CNTNAP2: variants seen among roughly 807,000 people sequenced by gnomAD.
The protein encoded by CNTNAP2 is contactin associated protein 2.
In CNTNAP2, 98 loss-of-function variants were observed where a neutral mutation model predicts 155.2. That is an observed-to-expected ratio of 0.63 (90% CI 0.54 to 0.75). CNTNAP2 has a LOEUF of 0.75. CNTNAP2 is among the 30% of genes least tolerant of loss of function. The probability of loss-of-function intolerance (pLI) is 0.00; values close to 1 mark genes in which losing one functional copy is unlikely to be tolerated. For missense variants in CNTNAP2, 1,727 were observed against 1,688.1 expected (o/e 1.02, Z -0.40); for synonymous variants, 651 against 631.2 (o/e 1.03, Z -0.47).
At chr7:147,558,945 G>A (rs565991589) in intron 11 of CNTNAP2, among the ~76,000 whole-genome samples, 1 of 152,262 alleles carries the variant, frequency 6.6e-6, no homozygotes, top group Non-Finnish European at 1.5e-5. Flanking sequence ...GTTTCACCAT[G>A]TTGGCCAGGA....
intron 1 of CNTNAP2, among the ~76,000 whole-genome samples, chr7:146,163,519 A>ATATC (rs1798260494): frequency 6.9e-6 from 1 of 145,442 alleles, no homozygotes; most frequent in South Asian, 2.1e-4. Flanking sequence ...ATATATATCT[A>ATATC]TATATATCTA....
At chr7:148,380,255 G>A (rs1275892228) in intron 21 of CNTNAP2, among the ~76,000 whole-genome samples, 2 of 152,200 alleles carry the variant, frequency 1.3e-5, no homozygotes, top group Admixed American at 1.3e-4. Flanking sequence ...GTAGAGACCA[G>A]TCTAATCAAT....
rs1803079971 is a variant in CNTNAP2, at chr7:147,208,995, G to T, written c.1348+76486G>T. ...AAAGTTTCCCCTTATGTACAAGTTA[G>T]ATATATAATCTGTTTGTTTTTATGT... is the stretch of plus-strand genomic sequence containing the variant. On this transcript the variant is annotated intron_variant, in intron 8 of 23. Coordinates refer to ENST00000361727, the MANE Select transcript of CNTNAP2 (RefSeq NM_014141.6). 3.3e-5 allele frequency among the ~76,000 whole-genome samples: 5 copies of T among 151,876 alleles called. No homozygotes were observed. In the South Asian group the frequency reaches 1.0e-3, roughly 31 times the overall value.
intron 1 of CNTNAP2, among the ~76,000 whole-genome samples, chr7:146,551,624 G>A (rs997086560): frequency 1.2e-4 from 18 of 151,826 alleles, no homozygotes; most frequent in Non-Finnish European, 2.1e-4. Context: ...AGAATAAGAG[G>A]CCAAAAGACA....
chr7:147,621,611 G>A (rs1794856748), intron 12 of CNTNAP2, among the ~76,000 whole-genome samples: 1 of 151,636 alleles, frequency 6.6e-6, no homozygotes, highest in Non-Finnish European at 1.5e-5. Context: ...GAAGCCCCAT[G>A]GTAACCACAA....
intron 3 of CNTNAP2, among the ~76,000 whole-genome samples, chr7:146,896,738 A>G (rs1795885125): frequency 6.6e-6 from 1 of 152,134 alleles, no homozygotes; most frequent in South Asian, 2.1e-4. Flanking sequence ...TTTTGCTTAA[A>G]TAATTCTGAT....
intron 20 of CNTNAP2, among the ~76,000 whole-genome samples, chr7:148,233,141 G>T (rs1795990730): frequency 6.6e-6 from 1 of 152,180 alleles, no homozygotes; most frequent in Admixed American, 6.5e-5. Flanking sequence ...AAAAAGTCTG[G>T]CATGCAGTGA....
At chr7:146,698,797 A>G (rs1448439281) in intron 1 of CNTNAP2, among the ~76,000 whole-genome samples, 3 of 152,086 alleles carry the variant, frequency 2.0e-5, no homozygotes, top group African/African-American at 7.2e-5. Flanking sequence ...CATGTGTAGA[A>G]TGTGCTCTTC....
At chr7:146,576,218 T>G (rs1798521790) in intron 1 of CNTNAP2, among the ~76,000 whole-genome samples, 1 of 152,248 alleles carries the variant, frequency 6.6e-6, no homozygotes, top group Non-Finnish European at 1.5e-5. Flanking sequence ...TTGGGTTTTC[T>G]TTAAAGGTTG....
intron 10 of CNTNAP2, among the ~76,000 whole-genome samples, chr7:147,430,221 T>C (rs1797442583): frequency 6.6e-6 from 1 of 152,196 alleles, no homozygotes; most frequent in Admixed American, 6.5e-5. Context: ...TAAGTAAACA[T>C]TTTGACAAAT....
At chr7:146,638,651 A>AT (rs1585018848) in intron 1 of CNTNAP2, among the ~76,000 whole-genome samples, 1 of 150,644 alleles carries the variant, frequency 6.6e-6, no homozygotes, top group African/African-American at 2.4e-5. Context: ...CACCTGGCTA[A>AT]TTTTTTTGTA....
intron 3 of CNTNAP2, among the ~76,000 whole-genome samples, chr7:146,888,685 C>G (rs1161092069): frequency 2.0e-5 from 3 of 151,870 alleles, no homozygotes; most frequent in African/African-American, 7.3e-5. Context: ...ACAAGGAAAT[C>G]CTGTCACTTG....
chr7:146,159,567 C>CA (rs1029215657), intron 1 of CNTNAP2, among the ~76,000 whole-genome samples: 22 of 150,808 alleles, frequency 1.5e-4, no homozygotes, highest in African/African-American at 4.4e-4. Flanking sequence ...AAATGGAAAA[C>CA]AAAAAAAAGC....
At chr7:147,837,362 T>C (rs1798650679) in intron 13 of CNTNAP2, among the ~76,000 whole-genome samples, 2 of 152,122 alleles carry the variant, frequency 1.3e-5, no homozygotes, top group Admixed American at 1.3e-4. Context: ...CCCACCTCCA[T>C]GATTCAGTTA....
At chr7:146,310,569 A>G (rs1800802306) in intron 1 of CNTNAP2, among the ~76,000 whole-genome samples, 2 of 151,940 alleles carry the variant, frequency 1.3e-5, no homozygotes, top group Admixed American at 6.6e-5. Flanking sequence ...ATGCCTTTTA[A>G]TGCATCCCCC....
intron 2 of CNTNAP2, among the ~76,000 whole-genome samples, chr7:146,780,366 T>G (rs1015594486): frequency 6.6e-6 from 1 of 151,982 alleles, no homozygotes; most frequent in Non-Finnish European, 1.5e-5. Flanking sequence ...TTTTTTTGTA[T>G]TTTTAGTGGA....
intron 14 of CNTNAP2, among the ~76,000 whole-genome samples, chr7:147,941,994 G>A (rs894355756): frequency 1.3e-5 from 2 of 152,174 alleles, no homozygotes; most frequent in Non-Finnish European, 2.9e-5. Context: ...AATGTTGGCT[G>A]TCCAGGTTAG....
chr7:148,395,288 T>C (rs1215353184), intron 22 of CNTNAP2, among the ~76,000 whole-genome samples: 2 of 152,080 alleles, frequency 1.3e-5, no homozygotes, highest in African/African-American at 2.4e-5. Flanking sequence ...GCTCTCTCTC[T>C]TATTTTCCTT....
intron 8 of CNTNAP2, among the ~76,000 whole-genome samples, chr7:147,219,778 T>C (rs1350267897): frequency 1.3e-5 from 2 of 152,088 alleles, no homozygotes; most frequent in African/African-American, 4.8e-5. Context: ...CCTGGCTTCA[T>C]CACTTTTTTT....
Sources: gnomAD v4.1 joint callset for allele counts (sites outside exome capture counted in the v4.1 genomes callset) on GRCh38, gnomAD v4.1.1 for gene constraint, MANE v1.5 for transcripts, NCBI Gene and HGNC (gene_info 2026-07-23, HGNC 2026-07-21) for gene names.